The following GCNT1 variants were observed in gnomAD, a reference collection of about 807,000 sequenced individuals.
GCNT1 encodes the protein beta-1,3-galactosyl-O-glycosyl-glycoprotein beta-1,6-N-acetylglucosaminyltransferase.
Under a neutral mutation model 26.2 loss-of-function variants are expected in GCNT1, and 16 were observed. That is an observed-to-expected ratio of 0.61 (90% confidence interval 0.41 to 0.93). GCNT1 has a LOEUF of 0.93. Ranked by LOEUF, GCNT1 falls within the 40% of genes least tolerant of loss-of-function variation. The pLI, the probability that GCNT1 is intolerant of heterozygous loss-of-function variation, is 0.00. For missense variants in GCNT1, 477 were observed against 526.7 expected, an observed-to-expected ratio of 0.91 and a Z score of 0.92; for synonymous variants, 183 against 190.8, an observed-to-expected ratio of 0.96 and a Z score of 0.34.
chr9:76,438,284 G>T (rs917310097), upstream of GCNT1, among the ~76,000 whole-genome samples: 1 of 152,208 alleles, frequency 6.6e-6, no homozygotes, highest in Non-Finnish European at 1.5e-5. Flanking sequence ...GGTGTGGGGG[G>T]TGGCTTCCAG....
intron 2 of GCNT1, among the ~76,000 whole-genome samples, chr9:76,462,855 A>G (rs1288182102): frequency 3.3e-5 from 5 of 152,040 alleles, no homozygotes; most frequent in South Asian, 2.1e-4. Context: ...GCCAGTTTCT[A>G]TCTCCAAAGA....
At chr9:76,468,318 A>G (rs1177832142) in intron 2 of GCNT1, among the ~76,000 whole-genome samples, 1 of 152,160 alleles carries the variant, frequency 6.6e-6, no homozygotes, top group Non-Finnish European at 1.5e-5. Context: ...GAGATGTTGC[A>G]AGTTAGGAGC....
chr9:76,458,412 G>A (rs1472490465), upstream of GCNT1, among the ~76,000 whole-genome samples: 1 of 151,946 alleles, frequency 6.6e-6, no homozygotes, highest in Non-Finnish European at 1.5e-5. Flanking sequence ...TCGATCTCCT[G>A]ACCTGGTGAT....
At chr9:76,399,327 T>G in the GCNT1 span, 1 of 1,467,768 alleles carries the variant, frequency 6.8e-7, no homozygotes, top group African/African-American at 1.4e-5. Flanking sequence ...CCTGAAGATA[T>G]TGAAAAAGAA....
At chr9:76,438,782 T>A (rs1295941346), upstream of GCNT1, among the ~76,000 whole-genome samples, 1 of 150,252 alleles carries the variant, frequency 6.7e-6, no homozygotes, top group African/African-American at 2.5e-5. Context: ...TACACTAACA[T>A]TAATGATAGC....
At chr9:76,433,959 CAA>C (rs1434801215) in intron 1 of GCNT1, among the ~76,000 whole-genome samples, 4 of 152,076 alleles carry the variant, frequency 2.6e-5, no homozygotes, top group Non-Finnish European at 5.9e-5. Context: ...CTGTAAAATT[CAA>C]AGTTATATAA....
intron 1 of GCNT1, among the ~76,000 whole-genome samples, chr9:76,452,556 A>G (rs2131587914): frequency 6.6e-6 from 1 of 152,204 alleles, no homozygotes; most frequent in South Asian, 2.1e-4. Context: ...TCATGATGCA[A>G]GTTGAAGGGG....
the GCNT1 span, chr9:76,394,448 G>A: frequency 2.8e-6 from 1 of 361,002 alleles, no homozygotes; most frequent in African/African-American, 2.2e-5. Flanking sequence ...GCGGGGTGGG[G>A]GGAGGGGGCG....
intron 1 of GCNT1, among the ~76,000 whole-genome samples, chr9:76,447,841 A>T (rs1380047156): frequency 6.6e-6 from 1 of 152,144 alleles, no homozygotes; most frequent in Non-Finnish European, 1.5e-5. Context: ...TCAGTCCACA[A>T]TCCCTGTGTC....
chr9:76,498,786 A>AAAAG (rs1824979846), intron 2 of GCNT1, among the ~76,000 whole-genome samples: 1 of 144,608 alleles, frequency 6.9e-6, no homozygotes, highest in Admixed American at 7.1e-5. Context: ...AAAAAAAAAA[A>AAAAG]AAAAGAAAAA....
chr9:76,496,677 T>C (rs1824916095), intron 2 of GCNT1, among the ~76,000 whole-genome samples: 1 of 152,230 alleles, frequency 6.6e-6, no homozygotes. Flanking sequence ...GCTTTCCTTC[T>C]TATTGACTAT....
the GCNT1 span, among the ~76,000 whole-genome samples, chr9:76,395,116 C>T: frequency 6.6e-6 from 1 of 152,148 alleles, no homozygotes; most frequent in Non-Finnish European, 1.5e-5. Flanking sequence ...GATAACAGGC[C>T]GTCCCTCTAC....
the GCNT1 span, among the ~76,000 whole-genome samples, chr9:76,413,921 G>A: frequency 6.6e-6 from 1 of 151,868 alleles, no homozygotes; most frequent in African/African-American, 2.4e-5. Flanking sequence ...TTGCTTTTCA[G>A]TTTTGGAAGG....
chr9:76,396,393 C>G, the GCNT1 span, among the ~76,000 whole-genome samples: 5 of 150,888 alleles, frequency 3.3e-5, no homozygotes, highest in Admixed American at 3.3e-4. Context: ...AGTTCAAGAC[C>G]AGCCTGGGCA....
At position 76,430,906 on chromosome 9, in the gene GCNT1, G is replaced by A. The variant is rs756927222; in HGVS notation, n.38+11019G>A. The stretch of plus-strand genomic sequence containing the variant: ...TCACCATGTTGGCCAGGCTGGTCTC[G>A]AACTCCTGACCTCAAGCAATCCACC... On this transcript the variant is annotated intron_variant and non_coding_transcript_variant, in intron 1 of 3. Coordinates refer to the GCNT1 transcript ENST00000488136. Among the ~76,000 whole-genome samples, 9 of 151,990 alleles carry A rather than the reference G, an allele frequency of 5.9e-5. No homozygotes were observed. The South Asian group carries it at 6.2e-4, about 11-fold the overall frequency.
At chr9:76,400,467 T>C in the GCNT1 span, among the ~76,000 whole-genome samples, 3 of 152,206 alleles carry the variant, frequency 2.0e-5, no homozygotes, top group Non-Finnish European at 4.4e-5. Flanking sequence ...CGTGCTGCTA[T>C]AACCTTTCAA....
At chr9:76,475,564 G>A (rs562350548) in intron 2 of GCNT1, among the ~76,000 whole-genome samples, 2 of 152,210 alleles carry the variant, frequency 1.3e-5, no homozygotes, top group Non-Finnish European at 2.9e-5. Context: ...CATGCTAATT[G>A]AATAGACCCA....
At chr9:76,471,305 T>G (rs1824126156) in intron 2 of GCNT1, among the ~76,000 whole-genome samples, 1 of 152,106 alleles carries the variant, frequency 6.6e-6, no homozygotes, top group African/African-American at 2.4e-5. Flanking sequence ...GGATTACAGG[T>G]GTGAGCCACT....
chr9:76,398,832 G>A, the GCNT1 span: 1 of 1,402,692 alleles, frequency 7.1e-7, no homozygotes, highest in East Asian at 2.3e-5. Context: ...AAAAGTAATG[G>A]CATCTATATC....
Sources: gnomAD v4.1 joint callset for allele counts (sites outside exome capture counted in the v4.1 genomes callset) on GRCh38, gnomAD v4.1.1 for gene constraint, MANE v1.5 for transcripts, NCBI Gene and HGNC (gene_info 2026-07-23, HGNC 2026-07-21) for gene names.